Variants in MAPKAP1 observed in about 807,000 individuals in gnomAD.
The protein encoded by MAPKAP1 is MAPK associated protein 1.
A neutral mutation model predicts 65.7 loss-of-function variants in MAPKAP1; 20 were observed. The ratio of observed to expected loss-of-function variants is 0.30; its 90% CI spans 0.21 to 0.44. The LOEUF (loss-of-function observed/expected upper bound fraction) is 0.44, where lower values mean the gene tolerates loss of function less well. Ranked by LOEUF, MAPKAP1 falls within the 20% of genes least tolerant of loss-of-function variation. The pLI, the probability that MAPKAP1 is intolerant of heterozygous loss-of-function variation, is 1.00. For missense variants in MAPKAP1, 423 were observed against 648.0 expected (o/e 0.65, Z 3.77); for synonymous variants, 222 against 244.3 (o/e 0.91, Z 0.85).
intron 9 of MAPKAP1, among the ~76,000 whole-genome samples, chr9:125,476,876 A>T (rs1854130556): frequency 6.6e-6 from 1 of 152,164 alleles, no homozygotes; most frequent in South Asian, 2.1e-4. Flanking sequence ...CTAATCAATC[A>T]CAGAGTTTCT....
chr9:125,662,800 T>C (rs186112598), intron 3 of MAPKAP1, among the ~76,000 whole-genome samples: 26 of 152,076 alleles, frequency 1.7e-4, no homozygotes, highest in Admixed American at 1.6e-3. Context: ...TTAAATGATA[T>C]AGAGAATATT....
At chr9:125,662,560 G>A (rs899405342) in intron 3 of MAPKAP1, among the ~76,000 whole-genome samples, 38 of 152,104 alleles carry the variant, frequency 2.5e-4, no homozygotes, top group African/African-American at 8.9e-4. Context: ...GCGGGCACCC[G>A]TAGTCCCAGC....
intron 3 of MAPKAP1, among the ~76,000 whole-genome samples, chr9:125,665,241 GA>G (rs1244705643): frequency 6.6e-6 from 1 of 152,146 alleles, no homozygotes; most frequent in African/African-American, 2.4e-5. Flanking sequence ...CCCAGAGGCG[GA>G]TGTCACAGTG....
intron 10 of MAPKAP1, among the ~76,000 whole-genome samples, chr9:125,465,004 A>T: frequency 6.6e-6 from 1 of 152,186 alleles, no homozygotes; most frequent in South Asian, 2.1e-4. Flanking sequence ...GGACAACTTC[A>T]TTATCCTCCC....
At chr9:125,602,412 C>T (rs915619497) in intron 4 of MAPKAP1, among the ~76,000 whole-genome samples, 2 of 152,182 alleles carry the variant, frequency 1.3e-5, no homozygotes, top group African/African-American at 4.8e-5. Flanking sequence ...GGCCTTCATC[C>T]GCGTCTTCCA....
intron 5 of MAPKAP1, among the ~76,000 whole-genome samples, chr9:125,566,037 T>C (rs1831042536): frequency 6.6e-6 from 1 of 152,214 alleles, no homozygotes; most frequent in Non-Finnish European, 1.5e-5. Flanking sequence ...TTTTACTGAA[T>C]AAAATTCTAT....
At chr9:125,546,736 G>A (rs1211175724) in intron 6 of MAPKAP1, among the ~76,000 whole-genome samples, 1 of 152,124 alleles carries the variant, frequency 6.6e-6, no homozygotes, top group African/African-American at 2.4e-5. Flanking sequence ...GGAAAGGAAG[G>A]GTGCTCCTGG....
Position 125,704,325 on chromosome 9 carries a change from G to GA in MAPKAP1, c.-70+2645dup, listed in dbSNP as rs776055982. On this transcript the variant is annotated intron_variant, in intron 1 of 11. Transcript: ENST00000265960. ...ATGCTAATAACACCTTCTCACACGA[G>GA]AAAAAAATGAGATAAAGCATTTAAC... Among the ~76,000 whole-genome samples, 25 of 152,162 alleles carry GA rather than the reference G, an allele frequency of 1.6e-4. No individual in the cohort carries two copies. The East Asian group carries it at 1.7e-3, about 11-fold the overall frequency.
At chr9:125,525,035 G>C (rs1178143446) in intron 7 of MAPKAP1, among the ~76,000 whole-genome samples, 1 of 152,172 alleles carries the variant, frequency 6.6e-6, no homozygotes, top group Admixed American at 6.5e-5. Context: ...CACACATTCT[G>C]GGCTGTACCT....
At chr9:125,506,103 A>C in intron 8 of MAPKAP1, 1 of 614,786 alleles carries the variant, frequency 1.6e-6, no homozygotes, top group Non-Finnish European at 3.0e-6. Flanking sequence ...ACAGAGTGCT[A>C]AACAGGATGC....
chr9:125,687,096 G>T (rs1792718509), intron 1 of MAPKAP1, among the ~76,000 whole-genome samples: 1 of 151,584 alleles, frequency 6.6e-6, no homozygotes, highest in South Asian at 2.1e-4. Context: ...AAAGTGCTGG[G>T]ATTACAGGCC....
At chr9:125,703,632 C>T (rs1056696199) in intron 1 of MAPKAP1, among the ~76,000 whole-genome samples, 4 of 152,018 alleles carry the variant, frequency 2.6e-5, no homozygotes, top group Non-Finnish European at 4.4e-5. Context: ...ATTGGCCAGG[C>T]GTGGTGGCAC....
At chr9:125,583,761 GTTTTAAGAAA>G (rs917625750) in intron 5 of MAPKAP1, among the ~76,000 whole-genome samples, 2 of 152,178 alleles carry the variant, frequency 1.3e-5, no homozygotes, top group African/African-American at 4.8e-5. Flanking sequence ...CCTAAGTAAT[GTTTTAAGAAA>G]TTACATCAAA....
chr9:125,468,361 A>G (rs7036577), intron 9 of MAPKAP1, among the ~76,000 whole-genome samples: 9,158 of 152,284 alleles, frequency 0.06, 825 homozygotes, highest in African/African-American at 0.2. Flanking sequence ...CTATATGAGA[A>G]GGTATTAAGA....
intron 11 of MAPKAP1, 144 bp downstream of exon 11, chr9:125,444,357 G>T: frequency 1.6e-6 from 1 of 625,058 alleles, no homozygotes; most frequent in Non-Finnish European, 2.8e-6. Context: ...TGGCTGGCAA[G>T]CTGCGACACT....
At chr9:125,576,159 G>GGTT (rs1831388463) in intron 5 of MAPKAP1, among the ~76,000 whole-genome samples, 1 of 152,324 alleles carries the variant, frequency 6.6e-6, no homozygotes, top group East Asian at 1.9e-4. Context: ...AAAGGCCAGT[G>GGTT]GTTGCCAGCA....
intron 5 of MAPKAP1, among the ~76,000 whole-genome samples, chr9:125,576,917 T>C (rs1468338882): frequency 6.6e-6 from 1 of 152,066 alleles, no homozygotes; most frequent in Non-Finnish European, 1.5e-5. Flanking sequence ...AGTGCCGAGA[T>C]TGCAGCCTCT....
intron 7 of MAPKAP1, among the ~76,000 whole-genome samples, chr9:125,522,977 T>G (rs1182246630): frequency 1.3e-5 from 2 of 152,164 alleles, no homozygotes; most frequent in African/African-American, 4.8e-5. Flanking sequence ...AAGTCTTATC[T>G]TCTCTCCTTC....
At chr9:125,660,077 T>A (rs1834141132) in intron 3 of MAPKAP1, among the ~76,000 whole-genome samples, 1 of 152,224 alleles carries the variant, frequency 6.6e-6, no homozygotes, top group Admixed American at 6.5e-5. Flanking sequence ...AGGCTACTTC[T>A]TTCAGTCCCT....
Sources: gnomAD v4.1 joint callset for allele counts (sites outside exome capture counted in the v4.1 genomes callset) on GRCh38, gnomAD v4.1.1 for gene constraint, MANE v1.5 for transcripts, NCBI Gene and HGNC (gene_info 2026-07-23, HGNC 2026-07-21) for gene names.